The following ITGA10 variants were observed in gnomAD, a reference collection of about 807,000 sequenced individuals.
The protein encoded by ITGA10 is integrin subunit alpha 10, also known as integrin alpha-10.
In ITGA10, 105 loss-of-function variants were observed where a neutral mutation model predicts 145.2. The observed-to-expected ratio is 0.72, with a 90% confidence interval of 0.62 to 0.85. The LOEUF is 0.85. Among genes scored for constraint, ITGA10 ranks in the 40% least tolerant of loss-of-function variants. The pLI is 0.00. For missense variants in ITGA10, 1,317 were observed against 1,444.5 expected (o/e 0.91, Z 1.43); for synonymous variants, 506 against 557.8 (o/e 0.91, Z 1.31).
intron 15 of ITGA10, 33 bp from the exon 16 acceptor site, chr1:145,899,374 T>C (rs782305069): frequency 1.9e-6 from 3 of 1,604,426 alleles, no homozygotes; most frequent in Middle Eastern, 1.9e-4. Flanking sequence ...ATTCTAGCAG[T>C]AGGAGGTAAG....
chr1:145,895,460 T>C (rs782039366), intron 26 of ITGA10, 67 bp from the exon 27 acceptor site: 4 of 1,418,664 alleles, frequency 2.8e-6, no homozygotes, highest in Non-Finnish European at 4.0e-6. Flanking sequence ...TCCCCACCTC[T>C]AGTTCACACA....
At chr1:145,903,218 C>T (rs1403267924) in intron 7 of ITGA10, among the ~76,000 whole-genome samples, 4 of 152,134 alleles carry the variant, frequency 2.6e-5, no homozygotes, top group African/African-American at 7.2e-5. Flanking sequence ...ATAAGTACAA[C>T]GTTCATACAC....
Position 145,901,918 on chromosome 1 carries a change from T to C in ITGA10, c.1253A>G (p.Asp418Gly), listed in dbSNP as rs1570886889. The change falls in exon 11 of 30, where the codon GAC becomes GGC. Residue 418 changes from aspartate to glycine, a missense_variant. Asp to Gly is a moderately conservative substitution (Grantham distance 94). Coordinates refer to ENST00000369304, the MANE Select transcript of ITGA10 (RefSeq NM_003637.5). This position sits in a 1 kb window ranked among gnomAD's most constrained non-coding sequence, Gnocchi z 4.3. ...GTTCTGCAATGCAGGGGGGAACTCGTCTTCCAGTGCCATTCGTGGGGGGAA... is the reference window on the plus strand; with the variant it reads ...GTTCTGCAATGCAGGGGGGAACTCGCCTTCCAGTGCCATTCGTGGGGGGAA... The part of the protein sequence containing the change: ...RLFPPRMALE[D>G]EFPPALQNHA... 1 of 1,614,102 alleles carries C rather than the reference T, an allele frequency of 6.2e-7. No homozygotes were observed. Among genetic ancestry groups the C allele is most frequent in the Non-Finnish European group, 8.5e-7 (1 of 1,180,018 alleles).
At chr1:145,902,119 G>A in intron 10 of ITGA10, 98 bp from the exon 11 acceptor site, 1 of 1,578,276 alleles carries the variant, frequency 6.3e-7, no homozygotes, top group African/African-American at 1.4e-5. Context: ...GGTCTGCTGG[G>A]CTCAGTTGGA....
chr1:145,896,231 A>C (rs1655378327), intron 24 of ITGA10, 37 bp downstream of exon 24: 1 of 1,555,000 alleles, frequency 6.4e-7, no homozygotes, highest in African/African-American at 1.4e-5. Flanking sequence ...TTGTTCCCCC[A>C]CATTCTCCTC....
At position 145,902,330 on chromosome 1, in the gene ITGA10, A is replaced by G; in HGVS notation, c.1076-11T>C. 1 of 1,613,970 alleles carries G rather than the reference A, an allele frequency of 6.2e-7. No homozygotes were observed. On this transcript the variant is annotated splice_polypyrimidine_tract_variant and intron_variant, in intron 9 of 29. Coordinates refer to ENST00000369304, the MANE Select transcript of ITGA10 (RefSeq NM_003637.5). ...TTTCTGCATGGGACCCTTGGTCATGAGAAAACATTGAGACAATATCAGGGG... is the reference window on the plus strand; with the variant it reads ...TTTCTGCATGGGACCCTTGGTCATGGGAAAACATTGAGACAATATCAGGGG...
chr1:145,901,724 G>A lies in ITGA10; in HGVS notation c.1295-60C>T. ...AGAAGATGGGGTCCAGAGTAGGGGG[G>A]TTCCCTAAAGGCATAGCAGGAGGTC... On this transcript the variant is annotated intron_variant, in intron 11 of 29. Coordinates refer to ENST00000369304, the MANE Select transcript of ITGA10 (RefSeq NM_003637.5). This position sits in a 1 kb window ranked among gnomAD's most constrained non-coding sequence, Gnocchi z 4.3. 7 of 1,534,340 alleles carry A rather than the reference G, an allele frequency of 4.6e-6. No individual in the cohort carries two copies. The highest frequency in any genetic ancestry group is 1.4e-5 in the African/African-American group (1 of 72,510).
Position 145,907,079 on chromosome 1 carries a change from C to G in ITGA10, c.236G>C (p.Gly79Ala), listed in dbSNP as rs1002682830. 14 of 1,563,138 alleles carry G rather than the reference C, an allele frequency of 9.0e-6. No homozygotes were observed. In the South Asian group the frequency reaches 1.3e-4, roughly 14 times the overall value. ...GGCACATGGGGCATTGTGGGCCCCC[C>G]CTACAGGGCAGCGATAAACGTCCCC... ...RRGDVYRCPV[G>A]GAHNAPCAKG... The change falls in exon 3 of 30, where the codon GGG (glycine) becomes GCG (alanine). Residue 79 changes from glycine to alanine, a missense_variant. Transcript: ENST00000369304.
At chr1:145,894,817 C>T (rs587630635) in intron 27 of ITGA10, among the ~76,000 whole-genome samples, 13 of 152,300 alleles carry the variant, frequency 8.5e-5, no homozygotes, top group South Asian at 2.1e-4. Context: ...ATATGTTAAG[C>T]GCCTACAATG....
intron 23 of ITGA10, 36 bp downstream of exon 23, chr1:145,896,733 G>T: frequency 6.5e-7 from 1 of 1,530,008 alleles, no homozygotes; most frequent in Non-Finnish European, 9.1e-7. Flanking sequence ...TGAGTCTGAG[G>T]TCAGAACTGG....
Position 145,893,218 on chromosome 1 carries a change from T to C in ITGA10, c.3381A>G (p.Ile1127Met), listed in dbSNP as rs2101740531. ...RPILISLWIL[I>M]GSVLGGLLLL... ...GGAGCAACCCTCCCAGGACACTGCC[T>C]ATGAGGATCCACAGGGAGATGAGGA... Residue 1127 changes from isoleucine to methionine, a missense_variant, in exon 29 of 30, where the codon ATA (isoleucine) becomes ATG (methionine). Physicochemically the swap from Ile to Met is conservative, Grantham distance 10. Coordinates refer to ENST00000369304, the MANE Select transcript of ITGA10 (RefSeq NM_003637.5). The C allele has an allele frequency of 1.2e-6, 2 of 1,614,084 alleles. No homozygotes were observed. The highest frequency in any genetic ancestry group is 4.5e-5 in the East Asian group (2 of 44,880).
Position 145,902,015 on chromosome 1 carries a change from T to A in ITGA10, c.1156A>T (p.Ile386Phe). Residue 386 changes from isoleucine (I) to phenylalanine (F), a missense_variant, in exon 11 of 30, where the codon ATT becomes TTT. Coordinates refer to ENST00000369304, the MANE Select transcript of ITGA10 (RefSeq NM_003637.5). Reference protein sequence around the residue: ...GFSTHRLKDGILFGMVGAYDW... With the variant: ...GFSTHRLKDGFLFGMVGAYDW... Reference sequence around the variant, plus strand: ...TAGGCCCCCACCATCCCAAAAAGAATCCCATCCTGTGGGACAGAAGCAGAT... The same window carrying A: ...TAGGCCCCCACCATCCCAAAAAGAAACCCATCCTGTGGGACAGAAGCAGAT... 6.2e-7 allele frequency: 1 copy of A among 1,613,484 alleles called. No individual in the cohort carries two copies. Among genetic ancestry groups the A allele is most frequent in the Non-Finnish European group, 8.5e-7 (1 of 1,179,904 alleles).
At chr1:145,895,586 AC>A (rs1559190151) in intron 26 of ITGA10, 44 bp downstream of exon 26, 1 of 1,585,338 alleles carries the variant, frequency 6.3e-7, no homozygotes, top group East Asian at 2.2e-5. Context: ...AAGTCACCCA[AC>A]TCCACTTGCA....
In ITGA10 at chr1:145,907,130, CA is replaced by C. The variant is rs1553751533; in HGVS notation, c.184del (p.Trp62GlyfsTer17). On this transcript the variant is annotated frameshift_variant, in exon 3 of 30. Coordinates refer to ENST00000369304, the MANE Select transcript of ITGA10 (RefSeq NM_003637.5). LOFTEE classifies it high-confidence loss of function. ...CCTCCGGTCGCCTGAAGGCCCATCC[CA>C]GGGGGCGCCCACCAGCATCCTGGGA... ...GQRWMLVGAPWDGPSGDRRGD... is the reference protein window; with the variant it reads ...GQRWMLVGAPXDGPSGDRRGD... 2 of 1,561,240 alleles carry C rather than the reference CA, an allele frequency of 1.3e-6. No homozygotes were observed. Among genetic ancestry groups the C allele is most frequent in the Admixed American group, 1.9e-5 (1 of 51,844 alleles).
In ITGA10 at chr1:145,901,047, C is replaced by A; in HGVS notation, c.1588-54G>T. On this transcript the variant is annotated intron_variant, in intron 13 of 29. Transcript: ENST00000369304. The surrounding 1 kb of genome is among the most constrained non-coding windows in gnomAD (Gnocchi z 4.3). ...TAATCTGGCAGACCCAACCTCTCAGCAAACCCTCAAATATGTGCACCTTCC... is the reference window on the plus strand; with the variant it reads ...TAATCTGGCAGACCCAACCTCTCAGAAAACCCTCAAATATGTGCACCTTCC... 3 of 1,612,970 alleles carry A rather than the reference C, an allele frequency of 1.9e-6. No homozygotes were observed. Among genetic ancestry groups the A allele is most frequent in the Non-Finnish European group, 2.5e-6 (3 of 1,179,114 alleles).
chr1:145,897,290 C>T lies in ITGA10; in HGVS notation c.2624G>A (p.Arg875Gln), dbSNP rs781984123. The T allele has an allele frequency of 6.8e-6, 11 of 1,613,962 alleles. No individual in the cohort carries two copies. The highest frequency in any genetic ancestry group is 4.4e-5 in the South Asian group (4 of 91,084). Residue 875 changes from arginine (R) to glutamine (Q), a missense_variant, in exon 21 of 30, where the codon CGG becomes CAG. Physicochemically the swap from Arg to Gln is conservative, Grantham distance 43. Transcript: ENST00000369304. ...GACAGGATGCCCCACACTGCAGAGC[C>T]GGGCATGAGCAGAAGGGGCGGCACA... The part of the protein sequence containing the change: ...VECAAPSAHA[R>Q]LCSVGHPVFQ...
At position 145,902,871 on chromosome 1, in the gene ITGA10, C is replaced by T. The variant is rs1553749538; in HGVS notation, c.849G>A (p.Glu283=). 7 of 1,613,910 alleles carry T rather than the reference C, an allele frequency of 4.3e-6. No individual in the cohort carries two copies. Among genetic ancestry groups the T allele is most frequent in the Admixed American group, 1.7e-5 (1 of 59,994 alleles). The change falls in exon 8 of 30, where the codon GAG becomes GAA. Residue 283 remains glutamate, a synonymous_variant. Coordinates refer to ENST00000369304, the MANE Select transcript of ITGA10 (RefSeq NM_003637.5). The part of the protein sequence containing the change: ...VVTDGESHDG[E]ELPAALKACE... ...AGGCCTTTAGTGCTGCAGGAAGCTC[C>T]TCTCCATCATGGGACTCTCCATCAG...
At chr1:145,898,892 C>T (rs1553746437) in intron 17 of ITGA10, 44 bp downstream of exon 17, 2 of 1,577,518 alleles carry the variant, frequency 1.3e-6, no homozygotes, top group Non-Finnish European at 1.7e-6. Flanking sequence ...GCTTTCTCCT[C>T]ATTCTCAGGC....
intron 27 of ITGA10, among the ~76,000 whole-genome samples, chr1:145,894,797 T>C (rs908435241): frequency 1.3e-5 from 2 of 152,230 alleles, no homozygotes; most frequent in African/African-American, 4.8e-5. Flanking sequence ...AATTCATTCA[T>C]TTAGCAAAAA....
Sources: gnomAD v4.1 joint callset for allele counts (sites outside exome capture counted in the v4.1 genomes callset) on GRCh38, gnomAD v4.1.1 for gene constraint, Gnocchi (gnomAD v3.1) non-coding constraint, MANE v1.5 for transcripts, NCBI Gene and HGNC (gene_info 2026-07-23, HGNC 2026-07-21) for gene names.